The following ADGRA3 variants were observed in gnomAD, a reference collection of about 807,000 sequenced individuals.
ADGRA3 encodes the protein G-protein coupled receptor 125.
A neutral mutation model predicts 119.8 loss-of-function variants in ADGRA3; 56 were observed. That is an observed-to-expected ratio of 0.47 (90% confidence interval 0.38 to 0.58). The LOEUF (loss-of-function observed/expected upper bound fraction) is 0.58, where lower values mean the gene tolerates loss of function less well. Ranked by LOEUF, ADGRA3 falls within the 20% of genes least tolerant of loss-of-function variation. ADGRA3 has a pLI of 0.00. For synonymous variants in ADGRA3, 607 were observed against 623.8 expected, an observed-to-expected ratio of 0.97 and a Z score of 0.40; for missense variants, 1,516 against 1,649.0, an observed-to-expected ratio of 0.92 and a Z score of 1.40.
chr4:22,411,102 T>C (rs1056384762), intron 14 of ADGRA3, among the ~76,000 whole-genome samples: 3 of 152,260 alleles, frequency 2.0e-5, no homozygotes, highest in Non-Finnish European at 2.9e-5. Flanking sequence ...TGGTGCAATA[T>C]CACAGCGAAG....
chr4:22,473,887 C>G, intron 1 of ADGRA3, 44 bp from the exon 2 acceptor site: 1 of 1,149,706 alleles, frequency 8.7e-7, no homozygotes, highest in South Asian at 1.4e-5. Flanking sequence ...ATATACACTA[C>G]CAATATCAAA....
intron 10 of ADGRA3, among the ~76,000 whole-genome samples, chr4:22,430,246 G>A (rs1423334914): frequency 6.6e-6 from 1 of 152,126 alleles, no homozygotes; most frequent in Admixed American, 6.6e-5. Flanking sequence ...AGAGTGAGGC[G>A]ATGCTGAAAA....
At chr4:22,484,325 C>T (rs1027313774) in intron 1 of ADGRA3, among the ~76,000 whole-genome samples, 4 of 152,050 alleles carry the variant, frequency 2.6e-5, no homozygotes, top group Admixed American at 1.3e-4. Context: ...TGTAAGCAGG[C>T]CAGGTGCAGT....
chr4:22,477,557 A>G (rs1170030708), intron 1 of ADGRA3: 6 of 152,208 alleles, frequency 3.9e-5, no homozygotes, highest in Non-Finnish European at 1.5e-5. Flanking sequence ...GTTTCTGAGT[A>G]AAGAATGAAA....
intron 10 of ADGRA3, among the ~76,000 whole-genome samples, chr4:22,427,823 C>T (rs1037530071): frequency 6.6e-6 from 1 of 152,172 alleles, no homozygotes; most frequent in African/African-American, 2.4e-5. Context: ...GGCCTCATTC[C>T]CCGAAGGCCA....
At chr4:22,515,265 CG>C in intron 1 of ADGRA3, 1 of 304,426 alleles carries the variant, frequency 3.3e-6, no homozygotes, top group Non-Finnish European at 6.0e-6. Context: ...AGCGCTGCGC[CG>C]GGGACAGCGC....
intron 10 of ADGRA3, among the ~76,000 whole-genome samples, chr4:22,433,293 G>A (rs570867050): frequency 1.9e-4 from 29 of 152,146 alleles, no homozygotes; most frequent in Non-Finnish European, 3.8e-4. Context: ...ATGCACTCAT[G>A]ATTATTTAAA....
rs149970910 is a variant in ADGRA3, at chr4:22,413,343, G to A, written c.2071C>T (p.Arg691Cys). 14 of 1,614,010 alleles carry A rather than the reference G, an allele frequency of 8.7e-6. No individual in the cohort carries two copies. Among genetic ancestry groups the A allele is most frequent in the Non-Finnish European group, 1.1e-5 (13 of 1,179,930 alleles). Residue 691 changes from arginine (R) to cysteine (C), a missense_variant, in exon 14 of 19, where the codon CGT becomes TGT. By Grantham distance (180) the Arg-to-Cys change is radical (BLOSUM62 -3). Coordinates refer to ENST00000334304, the MANE Select transcript of ADGRA3 (RefSeq NM_145290.4). The stretch of plus-strand genomic sequence containing the variant: ...GCATCTGCTCCATGTGCAATTCGAC[G>A]CAGTGTCACATTAACAGGGATGTGG... The part of the protein sequence containing the change: ...THHIPVNVTL[R>C]RIAHGADAVA...
intron 10 of ADGRA3, among the ~76,000 whole-genome samples, chr4:22,425,303 C>T (rs1425468667): frequency 1.3e-5 from 2 of 152,324 alleles, no homozygotes; most frequent in African/African-American, 4.8e-5. Flanking sequence ...AATAAATGCA[C>T]TCTTCCACTG....
intron 16 of ADGRA3, among the ~76,000 whole-genome samples, chr4:22,397,492 G>T (rs537728315): frequency 7.2e-4 from 109 of 152,216 alleles, no homozygotes; most frequent in Middle Eastern, 6.8e-3. Flanking sequence ...TCCAGGGAGA[G>T]CTTAGAGTTC....
In ADGRA3 at chr4:22,388,293, A is replaced by G. The variant is rs769226062; in HGVS notation, c.3378T>C (p.His1126=). The G allele has an allele frequency of 1.9e-6, 3 of 1,614,120 alleles. No individual in the cohort carries two copies. Among genetic ancestry groups the G allele is most frequent in the Non-Finnish European group, 8.5e-7 (1 of 1,180,004 alleles). Residue 1126 remains histidine, a synonymous_variant, in exon 19 of 19, where the codon CAT becomes CAC. Transcript: ENST00000334304. ...TGGAGTTCAAAGGTAAAGAATTGGC[A>G]TGGCACTGAGCTGCAGCCGCCTGCA... ...TNLQAAAAQC[H]ANSLPLNSTP...
chr4:22,454,615 A>G (rs61792028), intron 4 of ADGRA3, among the ~76,000 whole-genome samples: 2,568 of 152,220 alleles, frequency 0.017, 21 homozygotes, highest in Middle Eastern at 0.048. Context: ...TCTCTGTTGC[A>G]TGTACTACAC....
At chr4:22,406,081 C>T (rs1229020074) in intron 14 of ADGRA3, among the ~76,000 whole-genome samples, 2 of 152,140 alleles carry the variant, frequency 1.3e-5, no homozygotes. Context: ...CATTCTGTAC[C>T]TGGCTTATTC....
intron 1 of ADGRA3, 24 bp downstream of exon 1, chr4:22,515,503 AC>A: frequency 6.3e-7 from 1 of 1,599,120 alleles, no homozygotes; most frequent in African/African-American, 1.4e-5. Flanking sequence ...GCGGGAGAGG[AC>A]CCAGCGTCGC....
chr4:22,494,681 G>A (rs974566307), intron 1 of ADGRA3, among the ~76,000 whole-genome samples: 1 of 151,692 alleles, frequency 6.6e-6, no homozygotes, highest in Non-Finnish European at 1.5e-5. Flanking sequence ...CATTTTTTTA[G>A]TTCTTTTTGT....
rs183044460 is a variant in ADGRA3, at chr4:22,437,461, T to G, written c.1085+795A>C. Among the ~76,000 whole-genome samples the G allele has an allele frequency of 1.0e-3, 152 of 152,268 alleles. 1 individual carries two copies. The highest frequency in any genetic ancestry group is 3.4e-3 in the African/African-American group (143 of 41,564). On this transcript the variant is annotated intron_variant, in intron 8 of 18. Transcript: ENST00000334304. ...ACAATGCAAACTGGGTAATAAACAA[T>G]CTTTATGCTGCTTCAAAGAATAACA...
At chr4:22,391,328 C>T (rs921836168) in intron 17 of ADGRA3, among the ~76,000 whole-genome samples, 1 of 152,076 alleles carries the variant, frequency 6.6e-6, no homozygotes, top group Non-Finnish European at 1.5e-5. Flanking sequence ...GCCCACCTGC[C>T]ATTTCTGCTT....
At chr4:22,422,281 G>A (rs1017832035) in intron 11 of ADGRA3, among the ~76,000 whole-genome samples, 8 of 152,084 alleles carry the variant, frequency 5.3e-5, no homozygotes, top group Admixed American at 4.6e-4. Context: ...TTTGATGCAC[G>A]ATGCTTACAA....
rs1391246123 is a variant in ADGRA3, at chr4:22,513,330, T to C, written c.257+2198A>G. On this transcript the variant is annotated intron_variant, in intron 1 of 18. Coordinates refer to ENST00000334304, the MANE Select transcript of ADGRA3 (RefSeq NM_145290.4). ...CACCACGCCCAGCTAATTTTCTGTATTTTTAGTAGAGATGGGGCTTTAAGC... is the reference window on the plus strand; with the variant it reads ...CACCACGCCCAGCTAATTTTCTGTACTTTTAGTAGAGATGGGGCTTTAAGC... Among the ~76,000 whole-genome samples, 3 of 151,720 alleles carry C rather than the reference T, an allele frequency of 2.0e-5. No individual in the cohort carries two copies. In the East Asian group the frequency reaches 5.8e-4, roughly 30 times the overall value.
Sources: gnomAD v4.1 joint callset for allele counts (sites outside exome capture counted in the v4.1 genomes callset) on GRCh38, gnomAD v4.1.1 for gene constraint, MANE v1.5 for transcripts, NCBI Gene and HGNC (gene_info 2026-07-23, HGNC 2026-07-21) for gene names.